ZNF227: variants seen among roughly 807,000 people sequenced by gnomAD.
ZNF227 encodes the protein zinc finger protein 227.
Under a neutral mutation model 13.2 loss-of-function variants are expected in ZNF227, and 12 were observed. The ratio of observed to expected loss-of-function variants is 0.91; its 90% CI spans 0.58 to 1.47. The LOEUF (loss-of-function observed/expected upper bound fraction) is 1.47. ZNF227 is among the 40% of genes most tolerant of loss of function. ZNF227 has a pLI of 0.00. For missense variants in ZNF227, 885 were observed against 967.5 expected (o/e 0.91, Z 1.13); for synonymous variants, 338 against 326.0 (o/e 1.04, Z -0.40).
In ZNF227 at chr19:44,229,802, CAGAAACCCAAAGA is replaced by C. The variant is rs1440458298; in HGVS notation, c.260_271+1del. 6.4e-7 allele frequency: 1 copy of C among 1,570,908 alleles called. No homozygotes were observed. Among genetic ancestry groups the C allele is most frequent in the South Asian group, 1.2e-5 (1 of 84,760 alleles). Reference sequence around the variant, plus strand: ...GAAGAAAAGCTTTGGATGATGGAAACAGAAACCCAAAGAAGTAGGTATTCTGGTGAGAACCCTG... The same window carrying C: ...GAAGAAAAGCTTTGGATGATGGAAACAGTAGGTATTCTGGTGAGAACCCTG... On this transcript the variant is annotated frameshift_variant and splice_region_variant, in exon 5 of 6. Coordinates refer to ENST00000313040, the MANE Select transcript of ZNF227 (RefSeq NM_182490.3). LOFTEE classifies it low-confidence loss of function (END_TRUNC).
rs1974580016 is a variant in ZNF227 at position 44,237,001 on chromosome 19, A to C, written c.*171A>C. ...TGATAACACAGAACCATGAACAGGA[A>C]TAGAACTCGTATTTAGGGGAGAAAT... On this transcript the variant is annotated 3_prime_UTR_variant, in exon 6 of 6. Transcript: ENST00000313040. 3.5e-6 allele frequency: 2 copies of C among 574,500 alleles called. No homozygotes were observed. Among genetic ancestry groups the C allele is most frequent in the African/African-American group, 1.9e-5 (1 of 53,488 alleles). The allele number at this position is 574,500 out of a possible 1,614,324, so 35.6% of individuals were successfully genotyped here.
chr19:44,216,311 A>C (rs1971876833), intron 2 of ZNF227, among the ~76,000 whole-genome samples: 1 of 151,710 alleles, frequency 6.6e-6, no homozygotes, highest in South Asian at 2.1e-4. Context: ...TTTGGAGGTA[A>C]TATTCATTTG....
In ZNF227 at chr19:44,236,364, C is replaced by T. The variant is rs1234175667; in HGVS notation, c.1934C>T (p.Ser645Phe). ...TGTGGTAAGGGCTTCAGTCAGTCCT[C>T]TGGTCTTCAATCCCATCAGAGAGTC... Reference protein sequence around the residue: ...GVCGKGFSQSSGLQSHQRVHT... With the variant: ...GVCGKGFSQSFGLQSHQRVHT... The change falls in exon 6 of 6, where the codon TCT (serine) becomes TTT (phenylalanine). Residue 645 changes from serine (S) to phenylalanine (F), a missense_variant. Physicochemically the swap from Ser to Phe is radical, Grantham distance 155. Coordinates refer to ENST00000313040, the MANE Select transcript of ZNF227 (RefSeq NM_182490.3). 3 of 1,614,046 alleles carry T rather than the reference C, an allele frequency of 1.9e-6. No individual in the cohort carries two copies. The highest frequency in any genetic ancestry group is 2.5e-6 in the Non-Finnish European group (3 of 1,180,044).
rs1355006952 is a variant in ZNF227 at position 44,234,847 on chromosome 19, A to G, written c.417A>G (p.Leu139=). 1 of 1,614,112 alleles carries G rather than the reference A, an allele frequency of 6.2e-7. No individual in the cohort carries two copies. The highest frequency in any genetic ancestry group is 1.7e-5 in the Admixed American group (1 of 60,010). Residue 139 remains leucine (L), a synonymous_variant, in exon 6 of 6, where the codon TTA becomes TTG. Coordinates refer to ENST00000313040, the MANE Select transcript of ZNF227 (RefSeq NM_182490.3). ...TTCAGGGGAAGAGTTCCCAGTTATT[A>G]CAAGGTGACTCTATTCAGGTTTCTG... The part of the protein sequence containing the change: ...RCLQGKSSQL[L]QGDSIQVSEN...
Position 44,235,322 on chromosome 19 carries a change from A to AT in ZNF227, c.892_893insT (p.Arg298MetfsTer4), listed in dbSNP as rs1286672733. On this transcript the variant is annotated frameshift_variant, in exon 6 of 6. Transcript: ENST00000313040. LOFTEE classifies it low-confidence loss of function (END_TRUNC). Reference sequence around the variant, plus strand: ...AATTCACCCAGGAGAGAAACTCAATAGATGTCATGAATCTGGTGATTGCTT... The same window carrying AT: ...AATTCACCCAGGAGAGAAACTCAATATGATGTCATGAATCTGGTGATTGCTT... 6.2e-7 allele frequency: 1 copy of AT among 1,614,218 alleles called. No individual in the cohort carries two copies. Among genetic ancestry groups the AT allele is most frequent in the South Asian group, 1.1e-5 (1 of 91,080 alleles).
intron 5 of ZNF227, among the ~76,000 whole-genome samples, chr19:44,233,968 A>G (rs1003556962): frequency 1.3e-5 from 2 of 152,164 alleles, no homozygotes; most frequent in African/African-American, 4.8e-5. Flanking sequence ...CATCACAGAT[A>G]AAGTAACATG....
chr19:44,211,845 T>G (rs967613495), upstream of ZNF227, among the ~76,000 whole-genome samples: 1 of 149,092 alleles, frequency 6.7e-6, no homozygotes, highest in African/African-American at 2.5e-5. Flanking sequence ...GTGGTGGGTA[T>G]AATTCTATTA....
intron 5 of ZNF227, among the ~76,000 whole-genome samples, chr19:44,232,603 A>G (rs907170035): frequency 6.6e-6 from 1 of 151,972 alleles, no homozygotes; most frequent in African/African-American, 2.4e-5. Context: ...CTTTAGGCTC[A>G]TTGGATAATC....
chr19:44,224,437 A>G (rs1972881311), intron 3 of ZNF227, among the ~76,000 whole-genome samples: 1 of 152,152 alleles, frequency 6.6e-6, no homozygotes, highest in African/African-American at 2.4e-5. Flanking sequence ...GACTTGCTTT[A>G]TCAATCTGGG....
At chr19:44,209,794 G>A (rs147997958), upstream of ZNF227, among the ~76,000 whole-genome samples, 4,643 of 152,230 alleles carry the variant, frequency 0.03, 267 homozygotes, top group African/African-American at 0.11. Flanking sequence ...CACCGTGTTA[G>A]CCAGGATGGT....
rs781289126 is a variant in ZNF227, at chr19:44,235,410, A to G, written c.980A>G (p.Asp327Gly). 16 of 1,614,064 alleles carry G rather than the reference A, an allele frequency of 9.9e-6. No individual in the cohort carries two copies. The South Asian group carries it at 1.8e-4, about 18-fold the overall frequency. Residue 327 changes from aspartate to glycine, a missense_variant, in exon 6 of 6, where the codon GAC becomes GGC. Asp to Gly is a moderately conservative substitution (Grantham distance 94, BLOSUM62 -1). Coordinates refer to ENST00000313040, the MANE Select transcript of ZNF227 (RefSeq NM_182490.3). Reference protein sequence around the residue: ...NHTGEKSYRCDSCGKGFSSST... With the variant: ...NHTGEKSYRCGSCGKGFSSST... ...ACAGGAGAGAAGTCTTATAGATGCG[A>G]CAGTTGCGGCAAGGGATTCAGTAGC...
At chr19:44,219,417 T>C (rs4803692) in intron 3 of ZNF227, among the ~76,000 whole-genome samples, 14,981 of 152,210 alleles carry the variant, frequency 0.098, 1,767 homozygotes, top group African/African-American at 0.26. Context: ...AAAGGTCTAA[T>C]AGCTTAAATT....
In ZNF227 at chr19:44,235,544, A is replaced by G. The variant is rs1257580601; in HGVS notation, c.1114A>G (p.Arg372Gly). ...SQSSNFQCHQ[R>G]VHTEEKPYKC... ...AAGTTCAAATTTTCAGTGCCATCAG[A>G]GAGTCCACACTGAAGAAAAACCATA... Residue 372 changes from arginine to glycine, a missense_variant, in exon 6 of 6, where the codon AGA becomes GGA. Arg to Gly is a moderately radical substitution (Grantham distance 125). Transcript: ENST00000313040. 5 of 1,614,096 alleles carry G rather than the reference A, an allele frequency of 3.1e-6. No homozygotes were observed. Among genetic ancestry groups the G allele is most frequent in the Non-Finnish European group, 4.2e-6 (5 of 1,180,048 alleles).
upstream of ZNF227, among the ~76,000 whole-genome samples, chr19:44,211,121 C>T (rs977060418): frequency 6.6e-6 from 1 of 151,866 alleles, no homozygotes; most frequent in Non-Finnish European, 1.5e-5. Flanking sequence ...CTTGCTTGAA[C>T]CTTGTGTGAG....
chr19:44,219,763 A>C (rs918806274), intron 3 of ZNF227, among the ~76,000 whole-genome samples: 2 of 145,608 alleles, frequency 1.4e-5, no homozygotes, highest in African/African-American at 2.5e-5. Context: ...ATTTTCTTTT[A>C]TTTATTTATT....
intron 5 of ZNF227, among the ~76,000 whole-genome samples, chr19:44,232,566 C>T (rs1319124121): frequency 6.6e-6 from 1 of 152,068 alleles, no homozygotes; most frequent in Admixed American, 6.6e-5. Context: ...TTCCCTCTTT[C>T]TTCCCTTTTG....
At chr19:44,230,135 C>T (rs1409699477) in intron 5 of ZNF227, among the ~76,000 whole-genome samples, 1 of 152,086 alleles carries the variant, frequency 6.6e-6, no homozygotes, top group Non-Finnish European at 1.5e-5. Context: ...CCCACCTCAG[C>T]CTCCTAAGTA....
chr19:44,236,567 G>A lies in ZNF227; in HGVS notation c.2137G>A (p.Glu713Lys), dbSNP rs759490200. Residue 713 changes from glutamate to lysine, a missense_variant, in exon 6 of 6, where the codon GAG (glutamate) becomes AAG (lysine). Glu to Lys is a moderately conservative substitution (Grantham distance 56). Coordinates refer to ENST00000313040, the MANE Select transcript of ZNF227 (RefSeq NM_182490.3). ...CCATCATCAGAGGGTCCACACGGGA[G>A]AGAAACCCCATATATGTGAGGAGTG... Reference protein sequence around the residue: ...LRHHQRVHTGEKPHICEECGK... With the variant: ...LRHHQRVHTGKKPHICEECGK... 4 of 1,613,972 alleles carry A rather than the reference G, an allele frequency of 2.5e-6. No homozygotes were observed. In the South Asian group the frequency reaches 3.3e-5, roughly 13 times the overall value.
chr19:44,228,438 T>G lies in ZNF227; in HGVS notation c.61-8T>G. On this transcript the variant is annotated splice_region_variant and splice_polypyrimidine_tract_variant and intron_variant, in intron 3 of 5. Coordinates refer to ENST00000313040, the MANE Select transcript of ZNF227 (RefSeq NM_182490.3). ...TAAGATTGAGGTTACATGTGTTTGA[T>G]ATTGTAGGAGGCTGTGACATTCAAG... is the stretch of plus-strand genomic sequence containing the variant. 3.1e-6 allele frequency: 5 copies of G among 1,609,118 alleles called. No individual in the cohort carries two copies. In the East Asian group the frequency reaches 1.1e-4, roughly 36 times the overall value.
Sources: gnomAD v4.1 joint callset for allele counts (sites outside exome capture counted in the v4.1 genomes callset) on GRCh38, gnomAD v4.1.1 for gene constraint, MANE v1.5 for transcripts, NCBI Gene and HGNC (gene_info 2026-07-23, HGNC 2026-07-21) for gene names.